The following CHST8 variants were observed in gnomAD, a reference collection of about 807,000 sequenced individuals.
CHST8 encodes carbohydrate sulfotransferase 8, also known as GALNAC-4-ST1.
In CHST8, 10 loss-of-function variants were observed where a neutral mutation model predicts 15.0. The ratio of observed to expected loss-of-function variants is 0.67; its 90% CI spans 0.41 to 1.13. CHST8 has a LOEUF of 1.13. CHST8 is among the 50% of genes most tolerant of loss of function. CHST8 has a pLI of 0.00. For missense variants in CHST8, 634 were observed against 608.2 expected, an observed-to-expected ratio of 1.04 and a Z score of -0.45; for synonymous variants, 259 against 256.6, an observed-to-expected ratio of 1.01 and a Z score of -0.09.
intron 2 of CHST8, among the ~76,000 whole-genome samples, chr19:33,675,921 T>C (rs930031648): frequency 2.6e-5 from 4 of 152,154 alleles, no homozygotes; most frequent in African/African-American, 9.7e-5. Context: ...GGCTCCCGGG[T>C]TGGGGGAGCT....
Position 33,757,504 on chromosome 19 carries a change from A to G in CHST8, c.131-13909A>G, listed in dbSNP as rs1450853749. 4.2e-3 allele frequency among the ~76,000 whole-genome samples: 206 copies of G among 49,292 alleles called. 32 individuals carry two copies. The highest frequency in any genetic ancestry group is 9.3e-3 in the Middle Eastern group (1 of 108). 32.3% of individuals were successfully genotyped at this position (49,292 alleles called of 152,430 possible). The stretch of plus-strand genomic sequence containing the variant: ...AAAGAAAGAAAGAAAGAAAGAAAGA[A>G]AGAAAGAAAGAAAGAAAGAGAAAGA... On this transcript the variant is annotated intron_variant, in intron 3 of 4. Transcript: ENST00000650847.
intron 1 of CHST8, among the ~76,000 whole-genome samples, chr19:33,645,182 G>A (rs10422655): frequency 2.0e-5 from 3 of 152,156 alleles, no homozygotes; most frequent in Non-Finnish European, 4.4e-5. Flanking sequence ...CCAGTGAAAG[G>A]AACGGCGAGG....
rs894740983 is a variant in CHST8 at position 33,736,967 on chromosome 19, A to G, written c.131-34446A>G. On this transcript the variant is annotated intron_variant, in intron 3 of 4. Coordinates refer to ENST00000650847, the MANE Select transcript of CHST8 (RefSeq NM_001127895.2). ...ATGGAAGCAACCTCCGGTTACCCTT[A>G]CTGCTCCTAAGATGCTAATTATAAT... Among the ~76,000 whole-genome samples the G allele has an allele frequency of 5.3e-5, 8 of 152,278 alleles. 1 individual carries two copies.
intron 3 of CHST8, among the ~76,000 whole-genome samples, chr19:33,746,711 T>G (rs1974319598): frequency 6.6e-6 from 1 of 152,094 alleles, no homozygotes; most frequent in Non-Finnish European, 1.5e-5. Context: ...CGGCCAGGAG[T>G]TAGTGGGAGG....
At chr19:33,645,800 A>G (rs116683622) in intron 1 of CHST8, among the ~76,000 whole-genome samples, 1,767 of 152,328 alleles carry the variant, frequency 0.012, 29 homozygotes, top group African/African-American at 0.035. Flanking sequence ...AAGCCAATAC[A>G]CAGAGAAGAG....
intron 1 of CHST8, among the ~76,000 whole-genome samples, chr19:33,624,885 C>T (rs1972031737): frequency 6.6e-6 from 1 of 152,056 alleles, no homozygotes; most frequent in Admixed American, 6.6e-5. Flanking sequence ...AAGCTGAGGT[C>T]CCTGGCTGAT....
chr19:33,649,029 G>C (rs111289439), intron 1 of CHST8, among the ~76,000 whole-genome samples: 1 of 150,008 alleles, frequency 6.7e-6, no homozygotes, highest in Non-Finnish European at 1.5e-5. Flanking sequence ...TCAGCCACCC[G>C]AGTAGCTGGG....
intron 3 of CHST8, among the ~76,000 whole-genome samples, chr19:33,691,896 C>T (rs1335359663): frequency 1.3e-5 from 2 of 152,174 alleles, no homozygotes; most frequent in East Asian, 3.8e-4. Flanking sequence ...CATGAACTGT[C>T]CTGGGGACGG....
Position 33,726,268 on chromosome 19 carries a change from A to T in CHST8, c.130+36877A>T, listed in dbSNP as rs1321573499. Among the ~76,000 whole-genome samples the T allele has an allele frequency of 2.0e-5, 3 of 152,342 alleles. No individual in the cohort carries two copies. In the East Asian group the frequency reaches 5.8e-4, roughly 29 times the overall value. ...TGGGACCTGGTATTGATGTCTTTAA[A>T]GGTGAGTATCAGCTGGTCACATTGG... On this transcript the variant is annotated intron_variant, in intron 3 of 4. Coordinates refer to ENST00000650847, the MANE Select transcript of CHST8 (RefSeq NM_001127895.2).
intron 1 of CHST8, among the ~76,000 whole-genome samples, chr19:33,658,077 C>T (rs569563661): frequency 6.6e-6 from 1 of 152,052 alleles, no homozygotes; most frequent in Non-Finnish European, 1.5e-5. Context: ...TGGTGGCTCA[C>T]GTCTGTAATC....
chr19:33,757,462 GAAAGAAAGAAAGAAAGAAA>G lies in CHST8; in HGVS notation c.131-13950_131-13932del, dbSNP rs1974590086. 3.1e-4 allele frequency among the ~76,000 whole-genome samples: 12 copies of G among 38,140 alleles called. 2 individuals carry two copies. Among genetic ancestry groups the G allele is most frequent in the Non-Finnish European group, 5.3e-4 (10 of 18,926 alleles). The allele number at this position is 38,140 out of a possible 152,430, so 25.0% of individuals were successfully genotyped here. A position where few individuals can be genotyped will look rare whatever the true frequency, so the allele number is the denominator to read the frequency against. On this transcript the variant is annotated intron_variant, in intron 3 of 4. Coordinates refer to ENST00000650847, the MANE Select transcript of CHST8 (RefSeq NM_001127895.2). Reference sequence around the variant, plus strand: ...AGAAAGAAAGAAAGAAAGAAAGAAAGAAAGAAAGAAAGAAAGAAAGAAAGAAAGAAAGAAAGAAAGAAAG... The same window carrying G: ...AGAAAGAAAGAAAGAAAGAAAGAAAGGAAAGAAAGAAAGAAAGAAAGAAAG...
intron 3 of CHST8, among the ~76,000 whole-genome samples, chr19:33,733,515 G>A (rs868370836): frequency 2.1e-4 from 32 of 152,168 alleles, no homozygotes; most frequent in Middle Eastern, 3.2e-3. Flanking sequence ...GATTACAGGC[G>A]TGAGCCACAG....
intron 3 of CHST8, among the ~76,000 whole-genome samples, chr19:33,713,312 G>T (rs1416511210): frequency 6.6e-6 from 1 of 152,104 alleles, no homozygotes; most frequent in East Asian, 1.9e-4. Flanking sequence ...AAGGAGGATT[G>T]GCTCCCCTGG....
At chr19:33,750,859 G>A (rs979028525) in intron 3 of CHST8, among the ~76,000 whole-genome samples, 30 of 151,962 alleles carry the variant, frequency 2.0e-4, no homozygotes, top group Admixed American at 2.0e-3. Flanking sequence ...GCTCGGTCCA[G>A]GCTCACCACT....
chr19:33,744,436 C>G (rs1213328617), intron 3 of CHST8: 1 of 152,192 alleles, frequency 6.6e-6, no homozygotes, highest in Non-Finnish European at 1.5e-5. Flanking sequence ...TCTGGGAATT[C>G]AAGACTTTCA....
chr19:33,724,828 T>C (rs1973863934), intron 3 of CHST8, among the ~76,000 whole-genome samples: 1 of 152,164 alleles, frequency 6.6e-6, no homozygotes, highest in African/African-American at 2.4e-5. Flanking sequence ...CCACCTCTCC[T>C]TGGGCACTGA....
chr19:33,650,490 CTTTTCTTTTTCTTTTTCT>C (rs1206787116), intron 1 of CHST8, among the ~76,000 whole-genome samples: 1 of 53,208 alleles, frequency 1.9e-5, no homozygotes, highest in South Asian at 6.1e-4. Flanking sequence ...TCTTTTTTTT[CTTTTCTTTTTCTTTTTCT>C]TTTTCTTTTC....
At chr19:33,746,985 A>G (rs1269218723) in intron 3 of CHST8, among the ~76,000 whole-genome samples, 1 of 152,222 alleles carries the variant, frequency 6.6e-6, no homozygotes, top group African/African-American at 2.4e-5. Flanking sequence ...GTTTGGGCAC[A>G]TGCATGTCAA....
intron 3 of CHST8, among the ~76,000 whole-genome samples, chr19:33,710,955 C>T (rs946839814): frequency 6.6e-6 from 1 of 151,624 alleles, no homozygotes; most frequent in Non-Finnish European, 1.5e-5. Flanking sequence ...CTCACTGCAG[C>T]CTCAAGCTCC....
Sources: allele counts gnomAD v4.1 joint callset (sites outside exome capture counted in the v4.1 genomes callset), GRCh38; gene constraint gnomAD v4.1.1; transcripts MANE v1.5; gene names NCBI Gene and HGNC (gene_info 2026-07-23, HGNC 2026-07-21).